Variants in ZNF226 observed in about 807,000 individuals in gnomAD.
ZNF226 encodes the protein Kruppel-associated box protein.
A neutral mutation model predicts 11.4 loss-of-function variants in ZNF226; 6 were observed. The ratio of observed to expected loss-of-function variants is 0.53; its 90% CI spans 0.29 to 1.04. The LOEUF (loss-of-function observed/expected upper bound fraction) is 1.04. Ranked by LOEUF, ZNF226 falls within the 50% of genes least tolerant of loss-of-function variation. The probability of loss-of-function intolerance (pLI) is 0.08; values close to 1 mark genes in which losing one functional copy is unlikely to be tolerated. For missense variants in ZNF226, 1,058 were observed against 956.5 expected (o/e 1.11, Z -1.40); for synonymous variants, 350 against 322.8 (o/e 1.08, Z -0.90).
downstream of ZNF226, among the ~76,000 whole-genome samples, chr19:44,180,290 C>A (rs1008845281): frequency 6.6e-6 from 1 of 152,050 alleles, no homozygotes; most frequent in Non-Finnish European, 1.5e-5. Flanking sequence ...CTTTCTTAGG[C>A]GTTTCTGTGA....
intron 4 of ZNF226, 22 bp from the exon 5 acceptor site, chr19:44,172,838 T>G: frequency 6.4e-7 from 1 of 1,572,172 alleles, no homozygotes. Flanking sequence ...CATTTTCAAC[T>G]TGTGATTTGG....
At position 44,175,996 on chromosome 19, in the gene ZNF226, T is replaced by C. The variant is rs750618080; in HGVS notation, c.734T>C (p.Ile245Thr). The C allele has an allele frequency of 6.2e-7, 1 of 1,613,918 alleles. No individual in the cohort carries two copies. The highest frequency in any genetic ancestry group is 8.5e-7 in the Non-Finnish European group (1 of 1,179,872). The change falls in exon 6 of 6, where the codon ATT becomes ACT. Residue 245 changes from isoleucine (I) to threonine (T), a missense_variant. By Grantham distance (89) the Ile-to-Thr change is moderately conservative. Transcript: ENST00000337433. ...TTGACATTTGATCACAATAGCATGA[T>C]TCACACAGGACAGAAATCGTACCAG... ...KILTFDHNSM[I>T]HTGQKSYQCN...
At chr19:44,172,681 T>C (rs371975367) in intron 4 of ZNF226, 179 bp from the exon 5 acceptor site, 3 of 594,054 alleles carry the variant, frequency 5.1e-6, no homozygotes, top group East Asian at 5.7e-5. Flanking sequence ...ATAATATGTA[T>C]TTACGCATGT....
chr19:44,179,330 A>G (rs1179804996), downstream of ZNF226, among the ~76,000 whole-genome samples: 1 of 152,182 alleles, frequency 6.6e-6, no homozygotes, highest in Non-Finnish European at 1.5e-5. Flanking sequence ...TTAACTGAGC[A>G]TCGGTTTTAT....
At chr19:44,185,325 A>G in the ZNF226 span, among the ~76,000 whole-genome samples, 1 of 152,188 alleles carries the variant, frequency 6.6e-6, no homozygotes, top group East Asian at 1.9e-4. Context: ...AGGAGCCTCC[A>G]TATTATTTTC....
chr19:44,168,223 G>C (rs1380917937), intron 2 of ZNF226, among the ~76,000 whole-genome samples: 2 of 147,636 alleles, frequency 1.4e-5, no homozygotes, highest in African/African-American at 5.0e-5. Context: ...TGTTGCTGCT[G>C]TTGTCAAAGT....
the ZNF226 span, among the ~76,000 whole-genome samples, chr19:44,198,554 C>G: frequency 1.3e-5 from 2 of 152,136 alleles, no homozygotes; most frequent in South Asian, 4.1e-4. Context: ...TGCACATAAC[C>G]AGCATGTGGT....
the ZNF226 span, among the ~76,000 whole-genome samples, chr19:44,185,795 A>T: frequency 2.6e-5 from 4 of 152,032 alleles, no homozygotes; most frequent in East Asian, 7.7e-4. Flanking sequence ...TCTTTCCATT[A>T]TCTGTGCTTT....
chr19:44,198,867 C>T, the ZNF226 span, among the ~76,000 whole-genome samples: 54 of 152,116 alleles, frequency 3.5e-4, no homozygotes, highest in Admixed American at 2.9e-3. Flanking sequence ...TGCAGTGGTG[C>T]GATCTCGGCT....
downstream of ZNF226, among the ~76,000 whole-genome samples, chr19:44,178,882 G>GT (rs1232673445): frequency 1.3e-5 from 2 of 152,114 alleles, no homozygotes; most frequent in African/African-American, 4.8e-5. Context: ...TAACAGTTTA[G>GT]TTTAAGAACA....
chr19:44,185,462 T>G, the ZNF226 span, among the ~76,000 whole-genome samples: 4 of 152,222 alleles, frequency 2.6e-5, no homozygotes, highest in Non-Finnish European at 5.9e-5. Context: ...TGAGGTGATA[T>G]CTCATTACAG....
downstream of ZNF226, among the ~76,000 whole-genome samples, chr19:44,182,967 A>G (rs1182481644): frequency 1.3e-5 from 2 of 152,216 alleles, no homozygotes; most frequent in Admixed American, 1.3e-4. Context: ...TAAGGCAATT[A>G]CATAATGTGA....
rs1969801258 is a variant in ZNF226 at position 44,169,352 on chromosome 19, A to G, written c.-46-683A>G. Among the ~76,000 whole-genome samples, 7 of 152,204 alleles carry G rather than the reference A, an allele frequency of 4.6e-5. No homozygotes were observed. In the South Asian group the frequency reaches 1.2e-3, roughly 27 times the overall value. The stretch of plus-strand genomic sequence containing the variant: ...AATTTAAGTTAGGTATGGATTGTCA[A>G]ACGGTGTTTTTTAATTGCGGTATCT... On this transcript the variant is annotated intron_variant, in intron 2 of 5. Transcript: ENST00000337433.
chr19:44,188,302 A>G, the ZNF226 span, among the ~76,000 whole-genome samples: 2 of 152,168 alleles, frequency 1.3e-5, no homozygotes, highest in Non-Finnish European at 2.9e-5. Flanking sequence ...TGGGCACTCT[A>G]ATGTTAGGTG....
the ZNF226 span, among the ~76,000 whole-genome samples, chr19:44,188,316 A>G: frequency 6.6e-6 from 1 of 152,190 alleles, no homozygotes; most frequent in Non-Finnish European, 1.5e-5. Context: ...TTAGGTGCAT[A>G]TATATTTACG....
downstream of ZNF226, chr19:44,177,849 AAG>A (rs1015880648): frequency 5.4e-6 from 4 of 737,216 alleles, no homozygotes; most frequent in African/African-American, 7.1e-5. Context: ...TGTTACTTAG[AAG>A]AGGGGTGTTA....
At chr19:44,186,159 G>C in the ZNF226 span, among the ~76,000 whole-genome samples, 3 of 151,894 alleles carry the variant, frequency 2.0e-5, no homozygotes, top group Non-Finnish European at 4.4e-5. Context: ...TGCTTTTGAA[G>C]TATGTTTTGA....
chr19:44,171,372 C>T (rs908415952), intron 3 of ZNF226, among the ~76,000 whole-genome samples: 1 of 152,070 alleles, frequency 6.6e-6, no homozygotes, highest in African/African-American at 2.4e-5. Flanking sequence ...TTCTGTCTTC[C>T]CCATGCCTCA....
rs761199775 is a variant in ZNF226 at position 44,175,970 on chromosome 19, T to A, written c.708T>A (p.Ile236=). Residue 236 remains isoleucine (I), a synonymous_variant, in exon 6 of 6, where the codon ATT becomes ATA. Coordinates refer to ENST00000337433, the MANE Select transcript of ZNF226 (RefSeq NM_001032373.2). ...PNDYEKDNMK[I]LTFDHNSMIH... is the part of the protein sequence containing the mutation. Reference sequence around the variant, plus strand: ...ATTATGAAAAAGACAACATGAAGATTTTGACATTTGATCACAATAGCATGA... The same window carrying A: ...ATTATGAAAAAGACAACATGAAGATATTGACATTTGATCACAATAGCATGA... The A allele has an allele frequency of 5.6e-6, 9 of 1,613,854 alleles. No individual in the cohort carries two copies. In the Admixed American group the frequency reaches 1.5e-4, roughly 27 times the overall value.
Sources: allele counts gnomAD v4.1 joint callset (sites outside exome capture counted in the v4.1 genomes callset), GRCh38; gene constraint gnomAD v4.1.1; transcripts MANE v1.5; gene names NCBI Gene and HGNC (gene_info 2026-07-23, HGNC 2026-07-21).